CACNA1B: variants seen among roughly 807,000 people sequenced by gnomAD.
CACNA1B encodes the protein voltage-dependent N-type calcium channel subunit alpha-1B.
In CACNA1B, 70 loss-of-function variants were observed where a neutral mutation model predicts 247.2. That is an observed-to-expected ratio of 0.28 (90% CI 0.23 to 0.35). The LOEUF (loss-of-function observed/expected upper bound fraction) is 0.35. CACNA1B is among the 10% of genes least tolerant of loss of function. The probability of loss-of-function intolerance (pLI) is 1.00; values close to 1 mark genes in which losing one functional copy is unlikely to be tolerated. For synonymous variants in CACNA1B, 1,231 were observed against 1,294.4 expected, an observed-to-expected ratio of 0.95 and a Z score of 1.05; for missense variants, 2,367 against 3,197.4, an observed-to-expected ratio of 0.74 and a Z score of 6.26.
chr9:137,929,869 G>T (rs753941512), intron 6 of CACNA1B, among the ~76,000 whole-genome samples: 9 of 152,110 alleles, frequency 5.9e-5, no homozygotes, highest in Non-Finnish European at 8.8e-5. Context: ...GCCCAGGCTG[G>T]TCTCAAGCTC....
intron 12 of CACNA1B, among the ~76,000 whole-genome samples, chr9:137,979,608 C>T (rs1240202831): frequency 1.3e-5 from 2 of 152,166 alleles, no homozygotes; most frequent in Non-Finnish European, 2.9e-5. Context: ...GAAGAGGCTG[C>T]TTGCCACAGC....
rs149892345 is a variant in CACNA1B, at chr9:138,103,894, C to T, written c.5319+1087C>T. ...CCCGACTCAGTGCAGCCTGTGGGAG[C>T]CAAGTGGCTCCTCCAAGCCATCCTC... On this transcript the variant is annotated intron_variant, in intron 38 of 46. Coordinates refer to ENST00000371372, the MANE Select transcript of CACNA1B (RefSeq NM_000718.4). Among the ~76,000 whole-genome samples, 8 of 152,318 alleles carry T rather than the reference C, an allele frequency of 5.3e-5. No individual in the cohort carries two copies. In the East Asian group the frequency reaches 1.5e-3, roughly 29 times the overall value.
At chr9:137,900,185 C>G (rs564995518) in intron 3 of CACNA1B, among the ~76,000 whole-genome samples, 2 of 152,278 alleles carry the variant, frequency 1.3e-5, no homozygotes, top group Non-Finnish European at 2.9e-5. Flanking sequence ...AGGGTGCCCC[C>G]CTGGCCCACG....
chr9:137,973,074 G>C lies in CACNA1B; in HGVS notation c.1543+1482G>C, dbSNP rs772753737. On this transcript the variant is annotated intron_variant, in intron 11 of 46. Transcript: ENST00000371372. The surrounding 1 kb of genome is among the most constrained non-coding windows in gnomAD (Gnocchi z 4.1). ...TGTTCTTCCCCGTGAGAGGCTGTTG[G>C]TGTGCAGTGAGTCGGCAGGCAGTGG... is the stretch of plus-strand genomic sequence containing the variant. Among the ~76,000 whole-genome samples, 1 of 152,234 alleles carries C rather than the reference G, an allele frequency of 6.6e-6. No homozygotes were observed. Among genetic ancestry groups the C allele is most frequent in the Admixed American group, 6.5e-5 (1 of 15,280 alleles).
In CACNA1B at chr9:138,057,710, C is replaced by T; in HGVS notation, c.3969-22C>T. ...TGGATCTTTTGTCTTTGCCCTCTAA[C>T]CTCCCATGTTCTCATTCCTAGGGGT... On this transcript the variant is annotated intron_variant, in intron 26 of 46. Transcript: ENST00000371372. The surrounding 1 kb of genome is among the most constrained non-coding windows in gnomAD (Gnocchi z 4.0). 1.9e-6 allele frequency: 3 copies of T among 1,590,256 alleles called. No individual in the cohort carries two copies. Among genetic ancestry groups the T allele is most frequent in the East Asian group, 2.3e-5 (1 of 44,192 alleles).
At chr9:138,045,966 G>T (rs542496781) in intron 21 of CACNA1B, among the ~76,000 whole-genome samples, 17 of 152,242 alleles carry the variant, frequency 1.1e-4, no homozygotes, top group African/African-American at 3.6e-4. Context: ...GGCAGGGGAG[G>T]CATCTCCAGA....
chr9:138,052,228 G>T lies in CACNA1B; in HGVS notation c.3807+40G>T, dbSNP rs1959310444. 9.7e-7 allele frequency: 1 copy of T among 1,028,738 alleles called. No homozygotes were observed. 63.7% of individuals were successfully genotyped at this position (1,028,738 alleles called of 1,614,324 possible). A position where few individuals can be genotyped will look rare whatever the true frequency, so the allele number is the denominator to read the frequency against. The stretch of plus-strand genomic sequence containing the variant: ...TTGGGGCTTGAGGGATGTGCTGTGT[G>T]TGTGTGCGTGTGTGTGTGTGCGTGT... On this transcript the variant is annotated intron_variant, in intron 25 of 46. Transcript: ENST00000371372. This position sits in a 1 kb window ranked among gnomAD's most constrained non-coding sequence, Gnocchi z 5.1.
At chr9:137,972,939 T>C (rs768512889) in intron 11 of CACNA1B, among the ~76,000 whole-genome samples, 1 of 152,126 alleles carries the variant, frequency 6.6e-6, no homozygotes, top group Non-Finnish European at 1.5e-5. Flanking sequence ...ACCTCGGGAC[T>C]TTGCTTGGGC....
At chr9:138,003,552 A>G (rs1436439076) in intron 15 of CACNA1B, among the ~76,000 whole-genome samples, 1 of 152,170 alleles carries the variant, frequency 6.6e-6, no homozygotes, top group Non-Finnish European at 1.5e-5. Context: ...ATTTAATTAC[A>G]TTAAACTTTT....
chr9:138,066,642 G>A (rs1290001261), intron 31 of CACNA1B, among the ~76,000 whole-genome samples: 1 of 152,160 alleles, frequency 6.6e-6, no homozygotes, highest in African/African-American at 2.4e-5. Flanking sequence ...TTCTGAATAA[G>A]TCATGGGTAA....
Position 138,052,934 on chromosome 9 carries a change from C to G in CACNA1B, c.3807+746C>G, listed in dbSNP as rs145932172. Among the ~76,000 whole-genome samples the G allele has an allele frequency of 1.3e-5, 2 of 152,328 alleles. No individual in the cohort carries two copies. Among genetic ancestry groups the G allele is most frequent in the East Asian group, 1.9e-4 (1 of 5,162 alleles). On this transcript the variant is annotated intron_variant, in intron 25 of 46. Transcript: ENST00000371372. This position sits in a 1 kb window ranked among gnomAD's most constrained non-coding sequence, Gnocchi z 5.1. ...TTGTGGCCCCACCTTCCCGTCACAG[C>G]TAGATCAGAGCAGCCTGTGAGGTGT... is the stretch of plus-strand genomic sequence containing the variant.
intron 20 of CACNA1B, among the ~76,000 whole-genome samples, chr9:138,042,322 C>T (rs868021435): frequency 2.6e-5 from 4 of 152,122 alleles, no homozygotes; most frequent in Non-Finnish European, 5.9e-5. Context: ...TGTTGGCGTG[C>T]GCCTGTAATC....
intron 12 of CACNA1B, among the ~76,000 whole-genome samples, chr9:137,983,586 T>C (rs1440606433): frequency 1.3e-5 from 2 of 152,124 alleles, no homozygotes; most frequent in Non-Finnish European, 2.9e-5. Context: ...CTTGGTGGCA[T>C]GTGCTGTTTC....
rs149831411 is a variant in CACNA1B, at chr9:137,919,111, G to C, written c.966+1680G>C. Among the ~76,000 whole-genome samples the C allele has an allele frequency of 2.6e-5, 4 of 152,338 alleles. No individual in the cohort carries two copies. Among genetic ancestry groups the C allele is most frequent in the African/African-American group, 9.6e-5 (4 of 41,588 alleles). On this transcript the variant is annotated intron_variant, in intron 6 of 46. Coordinates refer to ENST00000371372, the MANE Select transcript of CACNA1B (RefSeq NM_000718.4). This position sits in a 1 kb window ranked among gnomAD's most constrained non-coding sequence, Gnocchi z 4.6. ...GGCCGCACATGACTCAGATTCTTCT[G>C]CCTGGGTCTCTGCCTCCCGCAGGAG...
chr9:138,006,819 A>G lies in CACNA1B; in HGVS notation c.2027A>G (p.Gln676Arg). Residue 676 changes from glutamine (Q) to arginine (R), a missense_variant, in exon 16 of 47, where the codon CAA becomes CGA. Gln to Arg is a conservative substitution (Grantham distance 43, BLOSUM62 1). Around this residue, in one of 12 missense-constraint regions of CACNA1B, gnomAD observed 76 missense variants for 191.0 expected, o/e 0.40. Transcript: ENST00000371372. ...NAVMYHGIESQGGVSKGMFSS... is the reference protein window; with the variant it reads ...NAVMYHGIESRGGVSKGMFSS... Reference sequence around the variant, plus strand: ...GTGATGTATCACGGGATCGAATCGCAAGGCGGCGTCAGCAAAGGCATGTTC... The same window carrying G: ...GTGATGTATCACGGGATCGAATCGCGAGGCGGCGTCAGCAAAGGCATGTTC... 6.2e-7 allele frequency: 1 copy of G among 1,612,100 alleles called. No homozygotes were observed. Among genetic ancestry groups the G allele is most frequent in the South Asian group, 1.1e-5 (1 of 91,024 alleles).
chr9:138,063,534 T>G (rs965834496), intron 31 of CACNA1B, among the ~76,000 whole-genome samples: 2 of 152,218 alleles, frequency 1.3e-5, no homozygotes, highest in African/African-American at 4.8e-5. Context: ...TAAGAGTACC[T>G]TTGGACCATG....
chr9:138,070,904 T>C (rs1960108510), intron 32 of CACNA1B, among the ~76,000 whole-genome samples: 1 of 152,270 alleles, frequency 6.6e-6, no homozygotes, highest in African/African-American at 2.4e-5. Context: ...CTGCACCTGC[T>C]GGGCCTTGTC....
intron 15 of CACNA1B, among the ~76,000 whole-genome samples, chr9:138,003,348 A>T (rs928990073): frequency 6.3e-4 from 94 of 149,154 alleles, no homozygotes; most frequent in African/African-American, 4.2e-4. Flanking sequence ...CATTAAAAAA[A>T]TTTTTTTGTA....
At position 137,974,086 on chromosome 9, in the gene CACNA1B, C is replaced by G. The variant is rs1403294228; in HGVS notation, c.1544-1821C>G. On this transcript the variant is annotated intron_variant, in intron 11 of 46. Coordinates refer to ENST00000371372, the MANE Select transcript of CACNA1B (RefSeq NM_000718.4). This position sits in a 1 kb window ranked among gnomAD's most constrained non-coding sequence, Gnocchi z 4.5. ...GCAGAGGGGCTCTGGGACTTTGTGGCCAGGCGTGTTGGGCCTTTCCAAGCT... is the reference window on the plus strand; with the variant it reads ...GCAGAGGGGCTCTGGGACTTTGTGGGCAGGCGTGTTGGGCCTTTCCAAGCT... Among the ~76,000 whole-genome samples the G allele has an allele frequency of 1.3e-5, 2 of 152,108 alleles. No individual in the cohort carries two copies. The highest frequency in any genetic ancestry group is 2.9e-5 in the Non-Finnish European group (2 of 68,022).
Sources: allele counts gnomAD v4.1 joint callset (sites outside exome capture counted in the v4.1 genomes callset), GRCh38; gene constraint gnomAD v4.1.1; regional missense constraint gnomAD v4.1.1; non-coding constraint Gnocchi (gnomAD v3.1); transcripts MANE v1.5; gene names NCBI Gene and HGNC (gene_info 2026-07-23, HGNC 2026-07-21).